The following RHOU variants were observed in gnomAD, a reference collection of about 807,000 sequenced individuals.
The protein encoded by RHOU is rho-related GTP-binding protein RhoU.
A neutral mutation model predicts 12.6 loss-of-function variants in RHOU; 8 were observed. The observed-to-expected ratio is 0.64, with a 90% CI of 0.37 to 1.15. The LOEUF (loss-of-function observed/expected upper bound fraction) is 1.15. Ranked by LOEUF, RHOU falls within the 50% of genes most tolerant of loss-of-function variation. The pLI, the probability that RHOU is intolerant of heterozygous loss-of-function variation, is 0.01. For synonymous variants in RHOU, 161 were observed against 147.4 expected (o/e 1.09, Z -0.67); for missense variants, 258 against 347.0 (o/e 0.74, Z 2.04).
At chr1:228,670,080 C>T in the RHOU span, among the ~76,000 whole-genome samples, 1 of 152,182 alleles carries the variant, frequency 6.6e-6, no homozygotes, top group African/African-American at 2.4e-5. Context: ...CTAAGAATCT[C>T]ATGCAGAATA....
At chr1:228,697,003 A>G in the RHOU span, among the ~76,000 whole-genome samples, 1 of 152,310 alleles carries the variant, frequency 6.6e-6, no homozygotes, top group South Asian at 2.1e-4. Flanking sequence ...CGAGGTCTAC[A>G]TATTCCTGGT....
the RHOU span, among the ~76,000 whole-genome samples, chr1:228,692,625 A>G: frequency 6.6e-6 from 1 of 152,132 alleles, no homozygotes; most frequent in South Asian, 2.1e-4. Context: ...TAAAATTAAG[A>G]CAGGATCTTG....
chr1:228,656,801 G>A, the RHOU span, among the ~76,000 whole-genome samples: 1 of 152,098 alleles, frequency 6.6e-6, no homozygotes, highest in South Asian at 2.1e-4. Context: ...ATAAAAAAAG[G>A]TAGCAAAATG....
chr1:228,681,598 G>T, the RHOU span, among the ~76,000 whole-genome samples: 1 of 152,000 alleles, frequency 6.6e-6, no homozygotes, highest in African/African-American at 2.4e-5. Flanking sequence ...CCCTTTTTTC[G>T]ACAAAAAGTA....
chr1:228,651,621 C>A, the RHOU span, among the ~76,000 whole-genome samples: 1 of 152,126 alleles, frequency 6.6e-6, no homozygotes, highest in African/African-American at 2.4e-5. Context: ...ACTTCCAGAC[C>A]CCCTGCCCTC....
At position 228,743,811 on chromosome 1, in the gene RHOU, C is replaced by A; in HGVS notation, c.*71C>A. 1 of 1,302,318 alleles carries A rather than the reference C, an allele frequency of 7.7e-7. No individual in the cohort carries two copies. The highest frequency in any genetic ancestry group is 1.1e-6 in the Non-Finnish European group (1 of 931,942). The allele number at this position is 1,302,318 out of a possible 1,614,324, so 80.7% of individuals were successfully genotyped here. On this transcript the variant is annotated 3_prime_UTR_variant, in exon 3 of 3. Transcript: ENST00000366691. The surrounding 1 kb of genome is among the most constrained non-coding windows in gnomAD (Gnocchi z 5.1). ...TTAGAAGCTATATTAGCTGAAACAA[C>A]TCCTTTTACTGCGTAGAACCTATAT... is the stretch of plus-strand genomic sequence containing the variant.
the RHOU span, among the ~76,000 whole-genome samples, chr1:228,660,523 A>G: frequency 6.6e-6 from 1 of 151,954 alleles, no homozygotes; most frequent in Non-Finnish European, 1.5e-5. Context: ...TTTACAAGAA[A>G]AAACTGTAGA....
the RHOU span, among the ~76,000 whole-genome samples, chr1:228,685,946 T>C: frequency 6.6e-6 from 1 of 152,210 alleles, no homozygotes; most frequent in Admixed American, 6.5e-5. Context: ...AGAATCTTAG[T>C]AATTTTATTC....
the RHOU span, among the ~76,000 whole-genome samples, chr1:228,714,430 G>C: frequency 6.6e-6 from 1 of 152,156 alleles, no homozygotes; most frequent in African/African-American, 2.4e-5. Context: ...ATTTCTCTCT[G>C]AAATGATCTA....
chr1:228,727,387 A>G, the RHOU span, among the ~76,000 whole-genome samples: 1 of 152,024 alleles, frequency 6.6e-6, no homozygotes, highest in Non-Finnish European at 1.5e-5. Flanking sequence ...AGCTCACTGC[A>G]ACCTCTCTGT....
the RHOU span, among the ~76,000 whole-genome samples, chr1:228,710,573 C>T: frequency 6.6e-6 from 1 of 152,152 alleles, no homozygotes; most frequent in Non-Finnish European, 1.5e-5. Context: ...ATGATTATCT[C>T]AACAGATGCA....
At chr1:228,690,924 G>A in the RHOU span, among the ~76,000 whole-genome samples, 2 of 152,168 alleles carry the variant, frequency 1.3e-5, no homozygotes, top group African/African-American at 2.4e-5. Flanking sequence ...TGGAAGATTA[G>A]TTTTAAAAGA....
Position 228,738,036 on chromosome 1 carries a change from A to T in RHOU, c.321+305A>T, listed in dbSNP as rs1662648651. Among the ~76,000 whole-genome samples the T allele has an allele frequency of 6.6e-6, 1 of 152,238 alleles. No individual in the cohort carries two copies. The highest frequency in any genetic ancestry group is 2.1e-4 in the South Asian group (1 of 4,836). On this transcript the variant is annotated intron_variant, in intron 2 of 2. Coordinates refer to ENST00000366691, the MANE Select transcript of RHOU (RefSeq NM_021205.6). This position sits in a 1 kb window ranked among gnomAD's most constrained non-coding sequence, Gnocchi z 4.2. Reference sequence around the variant, plus strand: ...TTCTATTACTTACTCCCTGGTTTTTATGAAAAAATTTCAGTGATGCTTTGT... The same window carrying T: ...TTCTATTACTTACTCCCTGGTTTTTTTGAAAAAATTTCAGTGATGCTTTGT...
At chr1:228,703,676 A>G in the RHOU span, among the ~76,000 whole-genome samples, 1 of 152,360 alleles carries the variant, frequency 6.6e-6, no homozygotes, top group East Asian at 1.9e-4. Context: ...TAAGAAACAC[A>G]GCAATTAAAG....
chr1:228,679,534 G>C, the RHOU span, among the ~76,000 whole-genome samples: 1 of 151,968 alleles, frequency 6.6e-6, no homozygotes, highest in East Asian at 1.9e-4. Context: ...TTGGCACCAT[G>C]GGGTGGATAG....
chr1:228,658,286 C>G, the RHOU span, among the ~76,000 whole-genome samples: 1 of 93,978 alleles, frequency 1.1e-5, no homozygotes, highest in Non-Finnish European at 2.1e-5. Context: ...GACCCTGTCT[C>G]AAAAAAAAAA....
intron 1 of RHOU, among the ~76,000 whole-genome samples, chr1:228,736,957 G>C (rs1044823582): frequency 2.8e-5 from 3 of 107,260 alleles, no homozygotes; most frequent in Non-Finnish European, 5.5e-5. Flanking sequence ...CACCCCTGCA[G>C]CTGACTAGTA....
the RHOU span, among the ~76,000 whole-genome samples, chr1:228,726,733 G>A: frequency 2.0e-5 from 3 of 151,968 alleles, no homozygotes. Context: ...CAATTTCTCT[G>A]AGCTGCCATC....
chr1:228,720,194 A>G, the RHOU span, among the ~76,000 whole-genome samples: 1 of 152,168 alleles, frequency 6.6e-6, no homozygotes, highest in East Asian at 1.9e-4. Context: ...AAGGACTCCT[A>G]TTAGATTATG....
Sources: gnomAD v4.1 joint callset for allele counts (sites outside exome capture counted in the v4.1 genomes callset) on GRCh38, gnomAD v4.1.1 for gene constraint, Gnocchi (gnomAD v3.1) non-coding constraint, MANE v1.5 for transcripts, NCBI Gene and HGNC (gene_info 2026-07-23, HGNC 2026-07-21) for gene names.